The following CHIC2 variants were observed in gnomAD, a reference collection of about 807,000 sequenced individuals.
The protein encoded by CHIC2 is cysteine rich hydrophobic domain 2.
In CHIC2, 14 loss-of-function variants were observed where a neutral mutation model predicts 25.9. The ratio of observed to expected loss-of-function variants is 0.54; its 90% CI spans 0.36 to 0.85. The LOEUF (loss-of-function observed/expected upper bound fraction) is 0.85. Among genes scored for constraint, CHIC2 ranks in the 40% least tolerant of loss-of-function variants. CHIC2 has a pLI of 0.01. For synonymous variants in CHIC2, 70 were observed against 72.0 expected, an observed-to-expected ratio of 0.97 and a Z score of 0.14; for missense variants, 146 against 202.0, an observed-to-expected ratio of 0.72 and a Z score of 1.68.
At chr4:54,069,953 T>C in the CHIC2 span, among the ~76,000 whole-genome samples, 3 of 152,120 alleles carry the variant, frequency 2.0e-5, no homozygotes, top group East Asian at 5.8e-4. Flanking sequence ...TGACAGATAA[T>C]TATAAAAATA....
At chr4:54,078,576 C>T in the CHIC2 span, among the ~76,000 whole-genome samples, 55 of 152,162 alleles carry the variant, frequency 3.6e-4, no homozygotes, top group African/African-American at 1.2e-3. Context: ...AGTGCAGTGA[C>T]ACGATCTTGG....
intron 1 of CHIC2, among the ~76,000 whole-genome samples, chr4:54,058,385 C>A (rs1170239229): frequency 1.3e-5 from 2 of 152,024 alleles, no homozygotes; most frequent in Non-Finnish European, 2.9e-5. Context: ...AGAATTGAAA[C>A]CAATCTGCCT....
Position 54,064,462 on chromosome 4 carries a change from T to A in CHIC2, c.-162A>T, listed in dbSNP as rs1717446521. 6.0e-5 allele frequency: 89 copies of A among 1,487,396 alleles called. No homozygotes were observed. Among genetic ancestry groups the A allele is most frequent in the Non-Finnish European group, 7.4e-5 (83 of 1,126,306 alleles). The allele number at this position is 1,487,396 out of a possible 1,614,324, so 92.1% of individuals were successfully genotyped here. ...GTCTCGGCTCCGGCTACAGAGGGGA[T>A]GGGGTCTGGACCGTCGCCGCCACCG... On this transcript the variant is annotated 5_prime_UTR_variant, in exon 1 of 6. Transcript: ENST00000263921. The surrounding 1 kb of genome is among the most constrained non-coding windows in gnomAD (Gnocchi z 4.2).
chr4:54,010,775 A>G (rs1475425760), intron 5 of CHIC2, among the ~76,000 whole-genome samples: 1 of 152,066 alleles, frequency 6.6e-6, no homozygotes, highest in Non-Finnish European at 1.5e-5. Context: ...ACCCAACTAC[A>G]TGAGTCTTCT....
intron 3 of CHIC2, among the ~76,000 whole-genome samples, chr4:54,027,479 T>G (rs1716097045): frequency 6.6e-6 from 1 of 152,220 alleles, no homozygotes; most frequent in African/African-American, 2.4e-5. Flanking sequence ...TGTTTAAGTT[T>G]CAAGGCCAAA....
intron 3 of CHIC2, among the ~76,000 whole-genome samples, chr4:54,029,873 G>T (rs1716169737): frequency 6.6e-6 from 1 of 152,042 alleles, no homozygotes; most frequent in Admixed American, 6.5e-5. Flanking sequence ...ACTTTCCTTT[G>T]AATTTCTTTA....
chr4:54,058,553 CACACAT>C (rs1286825077), intron 1 of CHIC2, among the ~76,000 whole-genome samples: 3 of 126,382 alleles, frequency 2.4e-5, no homozygotes, highest in African/African-American at 7.9e-5. Flanking sequence ...CACACATACA[CACACAT>C]ACACACACAC....
At chr4:54,082,803 G>A in the CHIC2 span, among the ~76,000 whole-genome samples, 2 of 152,118 alleles carry the variant, frequency 1.3e-5, no homozygotes, top group African/African-American at 4.8e-5. Flanking sequence ...TGAGACTGTA[G>A]AAGAGACTCA....
At chr4:54,022,151 T>G (rs916013408) in intron 3 of CHIC2, among the ~76,000 whole-genome samples, 1 of 152,164 alleles carries the variant, frequency 6.6e-6, no homozygotes, top group African/African-American at 2.4e-5. Flanking sequence ...CGTGTCCCAT[T>G]TGTACAGGAC....
At chr4:54,024,792 G>A (rs1716005538) in intron 3 of CHIC2, among the ~76,000 whole-genome samples, 1 of 152,076 alleles carries the variant, frequency 6.6e-6, no homozygotes, top group Non-Finnish European at 1.5e-5. Context: ...TTTAATACCT[G>A]TTTTTCTCCT....
intron 1 of CHIC2, among the ~76,000 whole-genome samples, chr4:54,050,577 C>T (rs1716976112): frequency 6.6e-6 from 1 of 152,112 alleles, no homozygotes; most frequent in African/African-American, 2.4e-5. Context: ...ACGTTTCAGT[C>T]AGGACATACT....
At chr4:54,074,949 A>C in the CHIC2 span, among the ~76,000 whole-genome samples, 4 of 152,054 alleles carry the variant, frequency 2.6e-5, no homozygotes, top group Non-Finnish European at 4.4e-5. Context: ...CTCTACAAAA[A>C]TACATTTTTA....
At chr4:54,055,032 G>A (rs973816549) in intron 1 of CHIC2, among the ~76,000 whole-genome samples, 19 of 152,182 alleles carry the variant, frequency 1.2e-4, no homozygotes, top group African/African-American at 4.6e-4. Flanking sequence ...GAAAAGACTT[G>A]AACTGACTTA....
At chr4:54,038,495 A>T (rs1025049782) in intron 3 of CHIC2, among the ~76,000 whole-genome samples, 3 of 152,198 alleles carry the variant, frequency 2.0e-5, no homozygotes, top group Non-Finnish European at 4.4e-5. Flanking sequence ...ATACATGGAG[A>T]CTATGTCATG....
chr4:54,014,659 G>C (rs1304613526), intron 3 of CHIC2, among the ~76,000 whole-genome samples: 2 of 152,032 alleles, frequency 1.3e-5, no homozygotes. Flanking sequence ...TTTTTGAACA[G>C]AGCCAAAATT....
chr4:54,020,441 G>A (rs1332785190), intron 3 of CHIC2, among the ~76,000 whole-genome samples: 1 of 152,144 alleles, frequency 6.6e-6, no homozygotes, highest in Non-Finnish European at 1.5e-5. Context: ...CCTGCACCCA[G>A]GTGAAATAAA....
the CHIC2 span, among the ~76,000 whole-genome samples, chr4:54,083,400 C>T: frequency 6.6e-6 from 1 of 152,186 alleles, no homozygotes; most frequent in South Asian, 2.1e-4. Context: ...TCTTATAGCA[C>T]TTAAAACTCA....
the CHIC2 span, among the ~76,000 whole-genome samples, chr4:54,089,510 C>T: frequency 6.6e-6 from 1 of 151,972 alleles, no homozygotes; most frequent in Non-Finnish European, 1.5e-5. Flanking sequence ...GTATGTCTTG[C>T]AATTGTTTAT....
chr4:54,009,984 A>AAC lies in CHIC2; in HGVS notation c.*109_*110dup. On this transcript the variant is annotated 3_prime_UTR_variant, in exon 6 of 6. Coordinates refer to ENST00000263921, the MANE Select transcript of CHIC2 (RefSeq NM_012110.4). ...AAAAAACAAAAACAAAAACAAAAAA[A>AAC]ACACCACACGATTCTGTAGAACCAA... The AAC allele has an allele frequency of 4.6e-6, 3 of 647,458 alleles. No homozygotes were observed. The highest frequency in any genetic ancestry group is 3.0e-5 in the East Asian group (1 of 32,948). The allele number at this position is 647,458 out of a possible 1,614,324, so 40.1% of individuals were successfully genotyped here.
Sources: gnomAD v4.1 joint callset for allele counts (sites outside exome capture counted in the v4.1 genomes callset) on GRCh38, gnomAD v4.1.1 for gene constraint, Gnocchi (gnomAD v3.1) non-coding constraint, MANE v1.5 for transcripts, NCBI Gene and HGNC (gene_info 2026-07-23, HGNC 2026-07-21) for gene names.